KLHL32: variants seen among roughly 807,000 people sequenced by gnomAD.
KLHL32 encodes the protein kelch-like protein 32.
In KLHL32, 35 loss-of-function variants were observed where a neutral mutation model predicts 64.8. The ratio of observed to expected loss-of-function variants is 0.54; its 90% CI spans 0.41 to 0.72. KLHL32 has a LOEUF of 0.72. KLHL32 is among the 30% of genes least tolerant of loss of function. KLHL32 has a pLI of 0.00. For missense variants in KLHL32, 589 were observed against 768.5 expected, an observed-to-expected ratio of 0.77 and a Z score of 2.76; for synonymous variants, 259 against 281.0, an observed-to-expected ratio of 0.92 and a Z score of 0.78.
intron 6 of KLHL32, among the ~76,000 whole-genome samples, chr6:97,106,274 A>G (rs1796396651): frequency 6.6e-6 from 1 of 152,186 alleles, no homozygotes; most frequent in Non-Finnish European, 1.5e-5. Flanking sequence ...AACTAGGACA[A>G]AATTTGTAGC....
At chr6:96,969,031 C>G (rs192174319) in intron 2 of KLHL32, among the ~76,000 whole-genome samples, 11 of 152,296 alleles carry the variant, frequency 7.2e-5, no homozygotes, top group South Asian at 2.1e-4. Context: ...TAACTGTAGT[C>G]GGGGTCATTG....
chr6:97,103,730 A>G (rs962456928), intron 6 of KLHL32, among the ~76,000 whole-genome samples: 1 of 152,106 alleles, frequency 6.6e-6, no homozygotes, highest in Non-Finnish European at 1.5e-5. Flanking sequence ...ACATGCAAAC[A>G]TTCACGCAGA....
At chr6:97,069,009 A>G (rs775062929) in intron 5 of KLHL32, among the ~76,000 whole-genome samples, 3 of 152,158 alleles carry the variant, frequency 2.0e-5, no homozygotes, top group Non-Finnish European at 2.9e-5. Flanking sequence ...GCATTTTATC[A>G]TTGTAAGGGA....
At chr6:96,928,389 G>A (rs942785763) in intron 1 of KLHL32, among the ~76,000 whole-genome samples, 10 of 152,198 alleles carry the variant, frequency 6.6e-5, no homozygotes, top group Non-Finnish European at 1.3e-4. Context: ...AGTGATGAAA[G>A]CTGTGGAAGA....
At chr6:97,131,966 G>C (rs1345376822) in intron 9 of KLHL32, among the ~76,000 whole-genome samples, 1 of 152,132 alleles carries the variant, frequency 6.6e-6, no homozygotes, top group Non-Finnish European at 1.5e-5. Context: ...AATAAAAAGA[G>C]ACTCTTTCAC....
At chr6:96,930,386 C>T (rs1279678409) in intron 1 of KLHL32, among the ~76,000 whole-genome samples, 1 of 152,142 alleles carries the variant, frequency 6.6e-6, no homozygotes, top group East Asian at 1.9e-4. Context: ...TTCTGTGACT[C>T]ACAGTCCAGT....
intron 2 of KLHL32, among the ~76,000 whole-genome samples, chr6:96,967,859 C>G (rs1037914330): frequency 5.9e-5 from 9 of 152,160 alleles, no homozygotes; most frequent in Non-Finnish European, 1.2e-4. Context: ...GGGGCATGCC[C>G]TGAGGCAGGA....
rs1800597470 is a variant in KLHL32 at position 97,140,685 on chromosome 6, A to ATTG, written c.*1406_*1408dup. 1.3e-5 allele frequency: 2 copies of ATTG among 152,100 alleles called. No homozygotes were observed. Among genetic ancestry groups the ATTG allele is most frequent in the African/African-American group, 4.8e-5 (2 of 41,554 alleles). 9.4% of individuals were successfully genotyped at this position (152,100 alleles called of 1,614,324 possible). ...TTCAGGAATCCCTCTCTTAAAGGAA[A>ATTG]TTGTTATTTTATTCATGTAACCTTT... On this transcript the variant is annotated 3_prime_UTR_variant, in exon 11 of 11. Coordinates refer to ENST00000369261, the MANE Select transcript of KLHL32 (RefSeq NM_052904.4).
chr6:97,080,880 G>C (rs1358759617), intron 5 of KLHL32, among the ~76,000 whole-genome samples: 1 of 152,174 alleles, frequency 6.6e-6, no homozygotes, highest in Non-Finnish European at 1.5e-5. Context: ...TGGAGAGGAA[G>C]GGAGATGTGC....
intron 1 of KLHL32, among the ~76,000 whole-genome samples, chr6:96,929,176 G>A (rs569470723): frequency 8.7e-4 from 132 of 152,254 alleles, no homozygotes; most frequent in African/African-American, 2.8e-3. Flanking sequence ...AATAGAAGGC[G>A]TCATAGCTAG....
chr6:96,975,874 G>A, intron 2 of KLHL32, 123 bp from the exon 3 acceptor site: 1 of 539,242 alleles, frequency 1.9e-6, no homozygotes. Context: ...GGGAACAGAT[G>A]GTCACACTCA....
At chr6:97,062,482 G>T (rs1789067249) in intron 4 of KLHL32, 1 of 152,298 alleles carries the variant, frequency 6.6e-6, no homozygotes, top group Admixed American at 6.5e-5. Flanking sequence ...GAGATATAAA[G>T]ATTTTTCAGA....
chr6:96,924,573 G>A (rs1264384579), upstream of KLHL32: 2 of 151,850 alleles, frequency 1.3e-5, no homozygotes, highest in East Asian at 1.9e-4. Flanking sequence ...GGGGGAGGGG[G>A]AGGGAGCGCG....
chr6:97,027,144 A>G (rs1441780028), intron 3 of KLHL32, among the ~76,000 whole-genome samples: 1 of 148,750 alleles, frequency 6.7e-6, no homozygotes, highest in Non-Finnish European at 1.5e-5. Context: ...CCTGGGCAAC[A>G]GAGGGAGATT....
chr6:97,024,063 C>T (rs1782380605), intron 3 of KLHL32, among the ~76,000 whole-genome samples: 2 of 152,156 alleles, frequency 1.3e-5, no homozygotes, highest in African/African-American at 4.8e-5. Flanking sequence ...TTGGCATTGT[C>T]CACTTTGTGT....
chr6:97,056,096 C>CTTTTTTTT lies in KLHL32; in HGVS notation c.313-8530_313-8523dup, dbSNP rs1193971196. Among the ~76,000 whole-genome samples, 13 of 123,796 alleles carry CTTTTTTTT rather than the reference C, an allele frequency of 1.1e-4. 1 individual carries two copies. The highest frequency in any genetic ancestry group is 2.9e-4 in the Admixed American group (3 of 10,386). 81.2% of individuals were successfully genotyped at this position (123,796 alleles called of 152,430 possible). On this transcript the variant is annotated intron_variant, in intron 4 of 10. Coordinates refer to ENST00000369261, the MANE Select transcript of KLHL32 (RefSeq NM_052904.4). ...GCCAGCCTCCCTTTTCTTTTTTTTTCTTTTTTTTTCTTTTTTTTTTTTTTT... is the reference window on the plus strand; with the variant it reads ...GCCAGCCTCCCTTTTCTTTTTTTTTCTTTTTTTTTTTTTTTTTCTTTTTTTTTTTTTTT...
intron 5 of KLHL32, among the ~76,000 whole-genome samples, chr6:97,076,067 C>G (rs1791548691): frequency 1.3e-5 from 2 of 152,046 alleles, no homozygotes; most frequent in African/African-American, 4.8e-5. Flanking sequence ...CTCCATGTGC[C>G]TTTTCTGCTA....
At chr6:96,911,001 CATA>C in the KLHL32 span, among the ~76,000 whole-genome samples, 1 of 152,118 alleles carries the variant, frequency 6.6e-6, no homozygotes, top group Admixed American at 6.6e-5. Flanking sequence ...GTGTAAATAA[CATA>C]ATAATACATA....
upstream of KLHL32, among the ~76,000 whole-genome samples, chr6:96,920,579 C>T (rs955643824): frequency 2.0e-5 from 3 of 152,162 alleles, no homozygotes; most frequent in Non-Finnish European, 2.9e-5. Flanking sequence ...ATTACACACA[C>T]ACACACACAC....
Sources: allele counts gnomAD v4.1 joint callset (sites outside exome capture counted in the v4.1 genomes callset), GRCh38; gene constraint gnomAD v4.1.1; transcripts MANE v1.5; gene names NCBI Gene and HGNC (gene_info 2026-07-23, HGNC 2026-07-21).